The following CENPP variants were observed in gnomAD, a reference collection of about 807,000 sequenced individuals.
CENPP encodes centromere protein P.
A neutral mutation model predicts 35.6 loss-of-function variants in CENPP; 24 were observed. The ratio of observed to expected loss-of-function variants is 0.67; its 90% CI spans 0.49 to 0.95. The LOEUF (loss-of-function observed/expected upper bound fraction) is 0.95. Among genes scored for constraint, CENPP ranks in the 40% least tolerant of loss-of-function variants. CENPP has a pLI of 0.00. For missense variants in CENPP, 332 were observed against 345.3 expected, an observed-to-expected ratio of 0.96 and a Z score of 0.31; for synonymous variants, 120 against 125.5, an observed-to-expected ratio of 0.96 and a Z score of 0.29.
intron 5 of CENPP, among the ~76,000 whole-genome samples, chr9:92,599,918 G>T (rs1405448848): frequency 6.6e-6 from 1 of 152,118 alleles, no homozygotes; most frequent in Non-Finnish European, 1.5e-5. Context: ...AAACTGCCTG[G>T]AGCTCCACAG....
chr9:92,580,402 G>A (rs986785406), intron 5 of CENPP, among the ~76,000 whole-genome samples: 3 of 152,128 alleles, frequency 2.0e-5, no homozygotes, highest in African/African-American at 7.2e-5. Flanking sequence ...TGTAGCTCTG[G>A]TAGAATTCGG....
Position 92,357,784 on chromosome 9 carries a change from C to T in CENPP, c.467+11997C>T, listed in dbSNP as rs577754855. ...TAGTGGGATTACAGGTGTGAGCCAC[C>T]GCACCCGGCCACTATCTCCCTCACT... On this transcript the variant is annotated intron_variant, in intron 4 of 7. Transcript: ENST00000375587. 3.4e-4 allele frequency among the ~76,000 whole-genome samples: 52 copies of T among 152,118 alleles called. No homozygotes were observed. In the South Asian group the frequency reaches 9.5e-3, roughly 28 times the overall value.
At chr9:92,440,240 A>G (rs1234685711) in intron 5 of CENPP, among the ~76,000 whole-genome samples, 1 of 152,102 alleles carries the variant, frequency 6.6e-6, no homozygotes, top group Non-Finnish European at 1.5e-5. Context: ...AAGAGAATCT[A>G]TAACGGGGTG....
chr9:92,457,375 G>C (rs1844915844), intron 5 of CENPP: 1 of 1,613,770 alleles, frequency 6.2e-7, no homozygotes, highest in East Asian at 2.2e-5. Context: ...ATTTCACCGG[G>C]TTGTTGAATA....
chr9:92,449,612 T>C (rs1300027050), intron 5 of CENPP, among the ~76,000 whole-genome samples: 1 of 152,122 alleles, frequency 6.6e-6, no homozygotes, highest in African/African-American at 2.4e-5. Context: ...AAATCTCATG[T>C]CAAATTTTAA....
At chr9:92,581,472 A>G (rs977936088) in intron 5 of CENPP, among the ~76,000 whole-genome samples, 1 of 152,214 alleles carries the variant, frequency 6.6e-6, no homozygotes, top group Non-Finnish European at 1.5e-5. Context: ...TGAAGCATCC[A>G]AAGGAATGGA....
chr9:92,572,974 T>A (rs1850182136), intron 5 of CENPP, among the ~76,000 whole-genome samples: 1 of 152,216 alleles, frequency 6.6e-6, no homozygotes, highest in Admixed American at 6.5e-5. Flanking sequence ...TGCTGTTTAT[T>A]CTAGTTAGCC....
At chr9:92,369,373 C>T (rs926330255) in intron 4 of CENPP, among the ~76,000 whole-genome samples, 5 of 152,108 alleles carry the variant, frequency 3.3e-5, no homozygotes, top group African/African-American at 9.7e-5. Context: ...AGTTAACTCT[C>T]TTGTATCTGG....
chr9:92,613,282 T>A lies in CENPP; in HGVS notation c.*133T>A. 1.0e-6 allele frequency: 1 copy of A among 967,748 alleles called. No homozygotes were observed. The highest frequency in any genetic ancestry group is 1.6e-6 in the Non-Finnish European group (1 of 644,618). 59.9% of individuals were successfully genotyped at this position (967,748 alleles called of 1,614,324 possible). The stretch of plus-strand genomic sequence containing the variant: ...GTGCTGTCTATGCAGTTATGGCACA[T>A]TATATGGAAACTCTCATGACATGAA... On this transcript the variant is annotated 3_prime_UTR_variant, in exon 8 of 8. Coordinates refer to ENST00000375587, the MANE Select transcript of CENPP (RefSeq NM_001012267.3).
At chr9:92,596,881 T>C (rs1184978994) in intron 5 of CENPP, among the ~76,000 whole-genome samples, 2 of 152,100 alleles carry the variant, frequency 1.3e-5, no homozygotes, top group African/African-American at 4.8e-5. Context: ...AGATCAGGGC[T>C]CTTCAAGGTT....
chr9:92,337,364 A>G (rs997126894), intron 2 of CENPP, among the ~76,000 whole-genome samples, 177 bp from the exon 3 acceptor site: 4 of 152,104 alleles, frequency 2.6e-5, no homozygotes, highest in Admixed American at 1.3e-4. Flanking sequence ...CATTAATTTT[A>G]TTTTGCAAAG....
intron 5 of CENPP, among the ~76,000 whole-genome samples, chr9:92,546,044 C>G (rs1849435856): frequency 6.6e-6 from 1 of 151,872 alleles, no homozygotes; most frequent in Non-Finnish European, 1.5e-5. Context: ...GTGTCTAGCT[C>G]AGGGTTTGCA....
chr9:92,461,097 T>C (rs1845091710), intron 5 of CENPP, among the ~76,000 whole-genome samples: 2 of 139,816 alleles, frequency 1.4e-5, no homozygotes, highest in African/African-American at 5.9e-5. Context: ...TTTCCTATCT[T>C]GTTTTATCTA....
intron 5 of CENPP, chr9:92,386,086 G>A (rs548590107): frequency 8.0e-6 from 6 of 747,424 alleles, no homozygotes; most frequent in Middle Eastern, 4.7e-4. Flanking sequence ...TAGCTATCAC[G>A]CTACTACAGT....
At position 92,600,163 on chromosome 9, in the gene CENPP, A is replaced by C. The variant is rs1035852831; in HGVS notation, c.565-11151A>C. 3 of 682,838 alleles carry C rather than the reference A, an allele frequency of 4.4e-6. No homozygotes were observed. The African/African-American group carries it at 5.4e-5, about 12-fold the overall frequency. 42.3% of individuals were successfully genotyped at this position (682,838 alleles called of 1,614,324 possible). The stretch of plus-strand genomic sequence containing the variant: ...AGTTTGCATTTAATGTAATTTTCAC[A>C]TGTCACGAAATCTTTGGAGTTCTTT... On this transcript the variant is annotated intron_variant, in intron 5 of 7. Transcript: ENST00000375587.
chr9:92,430,126 A>G (rs984560574), intron 5 of CENPP, among the ~76,000 whole-genome samples: 6 of 152,110 alleles, frequency 3.9e-5, no homozygotes, highest in Admixed American at 1.3e-4. Flanking sequence ...TAATCTTTTA[A>G]TGATCTGGTG....
At chr9:92,371,528 C>T (rs1215854561) in intron 4 of CENPP, among the ~76,000 whole-genome samples, 1 of 152,116 alleles carries the variant, frequency 6.6e-6, no homozygotes, top group Non-Finnish European at 1.5e-5. Flanking sequence ...TGTGTCCTAA[C>T]ATGTGGTCTG....
In CENPP at chr9:92,522,750, C is replaced by T; in HGVS notation, c.565-88564C>T. The T allele has an allele frequency of 1.9e-6, 3 of 1,614,162 alleles. No individual in the cohort carries two copies. In the East Asian group the frequency reaches 6.7e-5, roughly 36 times the overall value. On this transcript the variant is annotated intron_variant, in intron 5 of 7. Transcript: ENST00000375587. ...TGTGCTTGTGTGAGGTTGAACTTTTCCTCAACCTTCTGTGGTAGATCTTCC... is the reference window on the plus strand; with the variant it reads ...TGTGCTTGTGTGAGGTTGAACTTTTTCTCAACCTTCTGTGGTAGATCTTCC...
At chr9:92,496,536 T>A in intron 5 of CENPP, 1 of 1,567,450 alleles carries the variant, frequency 6.4e-7, no homozygotes, top group Non-Finnish European at 8.6e-7. Context: ...TAATCTGCCT[T>A]TAGGAGTTAA....
Sources: allele counts gnomAD v4.1 joint callset (sites outside exome capture counted in the v4.1 genomes callset), GRCh38; gene constraint gnomAD v4.1.1; transcripts MANE v1.5; gene names NCBI Gene and HGNC (gene_info 2026-07-23, HGNC 2026-07-21).